The following GPAT4 variants were observed in gnomAD, a reference collection of about 807,000 sequenced individuals.
The protein encoded by GPAT4 is glycerol-3-phosphate acyltransferase 4, also known as 1-AGP acyltransferase 6.
GPAT4 carries 17 observed loss-of-function variants against 58.0 expected under a neutral mutation model. The observed-to-expected ratio is 0.29, with a 90% CI of 0.20 to 0.44. The LOEUF (loss-of-function observed/expected upper bound fraction) is 0.44. Ranked by LOEUF, GPAT4 falls within the 20% of genes least tolerant of loss-of-function variation. The pLI, the probability that GPAT4 is intolerant of heterozygous loss-of-function variation, is 1.00. For synonymous variants in GPAT4, 204 were observed against 210.1 expected (o/e 0.97, Z 0.25); for missense variants, 377 against 574.5 (o/e 0.66, Z 3.51).
At chr8:41,618,639 G>A in intron 10 of GPAT4, 45 bp from the exon 11 acceptor site, 1 of 1,608,330 alleles carries the variant, frequency 6.2e-7, no homozygotes, top group Non-Finnish European at 8.5e-7. Flanking sequence ...CGCAAACGTT[G>A]TGAGAACTAC....
intron 1 of GPAT4, among the ~76,000 whole-genome samples, chr8:41,581,930 G>T (rs1436922583): frequency 7.0e-6 from 1 of 143,704 alleles, no homozygotes; most frequent in African/African-American, 2.6e-5. Context: ...ATCGCACCCG[G>T]CCGACTTGTT....
At chr8:41,597,364 C>G (rs765190091) in intron 1 of GPAT4, among the ~76,000 whole-genome samples, 49 of 152,258 alleles carry the variant, frequency 3.2e-4, no homozygotes, top group Non-Finnish European at 4.6e-4. Context: ...ATAGGATACT[C>G]CCAAGTTCAG....
At chr8:41,590,288 T>C (rs1802756405) in intron 1 of GPAT4, among the ~76,000 whole-genome samples, 1 of 152,254 alleles carries the variant, frequency 6.6e-6, no homozygotes, top group East Asian at 1.9e-4. Flanking sequence ...GGTTTCACCA[T>C]GTTGGCCCGG....
intron 2 of GPAT4, among the ~76,000 whole-genome samples, chr8:41,606,087 C>G (rs1201713550): frequency 6.6e-6 from 1 of 152,200 alleles, no homozygotes; most frequent in Non-Finnish European, 1.5e-5. Context: ...GCTTCCTGAG[C>G]TGTGTGTGCT....
intron 2 of GPAT4, among the ~76,000 whole-genome samples, chr8:41,607,593 C>T (rs1803317147): frequency 6.7e-6 from 1 of 149,370 alleles, no homozygotes; most frequent in Non-Finnish European, 1.5e-5. Flanking sequence ...GGCTGTAGTG[C>T]AGTGGTGCAA....
rs1222949823 is a variant in GPAT4 at position 41,604,223 on chromosome 8, A to G, written c.165+4919A>G. Among the ~76,000 whole-genome samples the G allele has an allele frequency of 3.9e-5, 6 of 152,322 alleles. No individual in the cohort carries two copies. The East Asian group carries it at 1.2e-3, about 29-fold the overall frequency. On this transcript the variant is annotated intron_variant, in intron 2 of 12. Transcript: ENST00000396987. The stretch of plus-strand genomic sequence containing the variant: ...ATTAAAACTGGATACCTAATAGTTC[A>G]TGCAGTACATACACCTGTGCTTTTG...
chr8:41,610,674 T>C, intron 4 of GPAT4, 62 bp from the exon 5 acceptor site: 5 of 1,595,382 alleles, frequency 3.1e-6, no homozygotes, highest in Non-Finnish European at 4.3e-6. Context: ...TTTTCACACC[T>C]TCAGTTCTGT....
rs564997054 is a variant in GPAT4 at position 41,598,812 on chromosome 8, A to C, written c.-328A>C. 3.7e-6 allele frequency: 1 copy of C among 267,122 alleles called. No homozygotes were observed. Among genetic ancestry groups the C allele is most frequent in the Admixed American group, 5.5e-5 (1 of 18,262 alleles). The allele number at this position is 267,122 out of a possible 1,614,324, so 16.5% of individuals were successfully genotyped here. Reference sequence around the variant, plus strand: ...AAGCAGCATCAGGACAGCAGAGCAGAGCCCCCGTCCTCACTGCTCACTTGC... The same window carrying C: ...AAGCAGCATCAGGACAGCAGAGCAGCGCCCCCGTCCTCACTGCTCACTTGC... On this transcript the variant is annotated 5_prime_UTR_variant, in exon 2 of 13. Coordinates refer to ENST00000396987, the MANE Select transcript of GPAT4 (RefSeq NM_178819.4).
At chr8:41,582,674 A>AGTGTGTGTGT (rs34365074) in intron 1 of GPAT4, among the ~76,000 whole-genome samples, 169 of 142,590 alleles carry the variant, frequency 1.2e-3, no homozygotes, top group African/African-American at 3.0e-3. Context: ...AGAGAGAGAG[A>AGTGTGTGTGT]GTGTGTGTGT....
chr8:41,594,767 C>A (rs1056572076), intron 1 of GPAT4, among the ~76,000 whole-genome samples: 4 of 151,916 alleles, frequency 2.6e-5, no homozygotes, highest in Admixed American at 2.6e-4. Context: ...GGATGGTCTC[C>A]ATCTCCTGAC....
intron 12 of GPAT4, among the ~76,000 whole-genome samples, chr8:41,620,026 G>T (rs972329618): frequency 2.6e-5 from 4 of 152,230 alleles, no homozygotes; most frequent in Non-Finnish European, 5.9e-5. Context: ...ACTGGAGCTA[G>T]ATTTTGAACC....
In GPAT4 at chr8:41,612,222, T is replaced by C. The variant is rs771490430; in HGVS notation, c.744T>C (p.His248=). 33 of 1,614,122 alleles carry C rather than the reference T, an allele frequency of 2.0e-5. No individual in the cohort carries two copies. The African/African-American group carries it at 3.1e-4, about 15-fold the overall frequency. The change falls in exon 7 of 13, where the codon CAT becomes CAC. Residue 248 remains histidine (H), a synonymous_variant. Transcript: ENST00000396987. The stretch of plus-strand genomic sequence containing the variant: ...ATGGTGGCATCTGTGTGGCCAATCA[T>C]ACCTCACCGATCGATGTGATCATCT... ...PRNGGICVAN[H]TSPIDVIILA... is the part of the protein sequence containing the mutation.
chr8:41,583,875 C>T (rs900381939), intron 1 of GPAT4, among the ~76,000 whole-genome samples: 4 of 152,090 alleles, frequency 2.6e-5, no homozygotes, highest in African/African-American at 9.7e-5. Context: ...AGTCTGCTGT[C>T]ACGAATTTGT....
chr8:41,612,727 G>A (rs961755378), intron 7 of GPAT4, 118 bp from the exon 8 acceptor site: 48 of 838,528 alleles, frequency 5.7e-5, no homozygotes, highest in South Asian at 3.6e-4. Flanking sequence ...ACCTTCAGCC[G>A]GCAAGCGTTA....
intron 2 of GPAT4, among the ~76,000 whole-genome samples, chr8:41,604,650 T>C (rs892077786): frequency 6.6e-6 from 1 of 152,070 alleles, no homozygotes; most frequent in African/African-American, 2.4e-5. Flanking sequence ...TGAGAACAAA[T>C]GATGTGAAAG....
At chr8:41,614,537 G>A (rs1415355236) in intron 9 of GPAT4, 96 bp downstream of exon 9, 2 of 1,258,266 alleles carry the variant, frequency 1.6e-6, no homozygotes, top group Admixed American at 2.0e-5. Flanking sequence ...GCCCTTGTTG[G>A]GGTTATCTGT....
At chr8:41,614,329 A>G (rs1803532677) in intron 8 of GPAT4, 57 bp from the exon 9 acceptor site, 1 of 1,428,302 alleles carries the variant, frequency 7.0e-7, no homozygotes, top group Admixed American at 2.0e-5. Flanking sequence ...TTATAAACAT[A>G]TTTTGACGAT....
rs1803741847 is a variant in GPAT4 at position 41,621,231 on chromosome 8, A to G, written c.*230A>G. On this transcript the variant is annotated 3_prime_UTR_variant, in exon 13 of 13. Transcript: ENST00000396987. Reference sequence around the variant, plus strand: ...CTGCTGGGTGTTGCGACCCAGGACGAGATGCCTTGTTTCTTTTACAATAAG... The same window carrying G: ...CTGCTGGGTGTTGCGACCCAGGACGGGATGCCTTGTTTCTTTTACAATAAG... 3 of 577,682 alleles carry G rather than the reference A, an allele frequency of 5.2e-6. No individual in the cohort carries two copies. The East Asian group carries it at 8.8e-5, about 17-fold the overall frequency. 35.8% of individuals were successfully genotyped at this position (577,682 alleles called of 1,614,324 possible). A position where few individuals can be genotyped will look rare whatever the true frequency, so the allele number is the denominator to read the frequency against.
At chr8:41,604,657 A>G (rs1338593181) in intron 2 of GPAT4, among the ~76,000 whole-genome samples, 1 of 152,266 alleles carries the variant, frequency 6.6e-6, no homozygotes, top group Non-Finnish European at 1.5e-5. Context: ...AAATGATGTG[A>G]AAGGAGTTGA....
Sources: allele counts gnomAD v4.1 joint callset (sites outside exome capture counted in the v4.1 genomes callset), GRCh38; gene constraint gnomAD v4.1.1; transcripts MANE v1.5; gene names NCBI Gene and HGNC (gene_info 2026-07-23, HGNC 2026-07-21).